Variants in PRDM5 observed in about 807,000 individuals in gnomAD.
PRDM5 encodes the protein PR/SET domain 5.
In PRDM5, 56 loss-of-function variants were observed where a neutral mutation model predicts 81.2. The ratio of observed to expected loss-of-function variants is 0.69; its 90% CI spans 0.56 to 0.86. PRDM5 has a LOEUF of 0.86. Among genes scored for constraint, PRDM5 ranks in the 40% least tolerant of loss-of-function variants. The probability of loss-of-function intolerance (pLI) is 0.00; values close to 1 mark genes in which losing one functional copy is unlikely to be tolerated. For missense variants in PRDM5, 697 were observed against 770.1 expected (o/e 0.91, Z 1.12); for synonymous variants, 267 against 256.4 (o/e 1.04, Z -0.39).
At chr4:120,833,203 T>C (rs766844387) in intron 3 of PRDM5, among the ~76,000 whole-genome samples, 1 of 152,188 alleles carries the variant, frequency 6.6e-6, no homozygotes, top group Non-Finnish European at 1.5e-5. Flanking sequence ...AAACGATTAA[T>C]GAGTTTTAAA....
intron 2 of PRDM5, among the ~76,000 whole-genome samples, chr4:120,868,723 A>C (rs1761470218): frequency 6.6e-6 from 1 of 152,174 alleles, no homozygotes; most frequent in Non-Finnish European, 1.5e-5. Context: ...ATAGTAGGTA[A>C]CACAAAGGAG....
intron 14 of PRDM5, among the ~76,000 whole-genome samples, chr4:120,719,561 T>C (rs1211161044): frequency 6.6e-6 from 1 of 152,212 alleles, no homozygotes; most frequent in Non-Finnish European, 1.5e-5. Flanking sequence ...AATTCAATTT[T>C]ATCATAATCT....
chr4:120,856,185 A>T (rs1423458338), intron 2 of PRDM5, among the ~76,000 whole-genome samples: 1 of 152,086 alleles, frequency 6.6e-6, no homozygotes, highest in Non-Finnish European at 1.5e-5. Flanking sequence ...TCACTTTCTC[A>T]CACAATATTC....
chr4:120,727,872 G>A (rs1046789409), intron 14 of PRDM5, among the ~76,000 whole-genome samples: 4 of 151,482 alleles, frequency 2.6e-5, no homozygotes, highest in African/African-American at 4.9e-5. Context: ...GGAGGTGGAG[G>A]TTGCAGTGAG....
chr4:120,779,936 T>A (rs1748795981), intron 12 of PRDM5, among the ~76,000 whole-genome samples: 1 of 150,266 alleles, frequency 6.7e-6, no homozygotes, highest in Non-Finnish European at 1.5e-5. Context: ...AAACAAACAA[T>A]ATATATATAT....
chr4:120,918,487 A>G (rs1724477644), intron 1 of PRDM5, among the ~76,000 whole-genome samples: 1 of 152,276 alleles, frequency 6.6e-6, no homozygotes, highest in South Asian at 2.1e-4. Context: ...ACATTTATGC[A>G]TGGTGATTTT....
intron 2 of PRDM5, chr4:120,885,894 T>C (rs2148603713): frequency 6.6e-6 from 1 of 152,320 alleles, no homozygotes; most frequent in African/African-American, 2.4e-5. Context: ...GTGTTTTTTT[T>C]TCTTTTAGTC....
chr4:120,700,431 T>G (rs1476654427), intron 15 of PRDM5, among the ~76,000 whole-genome samples: 1 of 152,108 alleles, frequency 6.6e-6, no homozygotes, highest in Non-Finnish European at 1.5e-5. Flanking sequence ...TCAAAAGCAG[T>G]TGCAACAAAA....
At chr4:120,900,747 A>C (rs1285665728) in intron 2 of PRDM5, among the ~76,000 whole-genome samples, 1 of 152,260 alleles carries the variant, frequency 6.6e-6, no homozygotes, top group Non-Finnish European at 1.5e-5. Context: ...ATTCACAATC[A>C]TACAAAAACA....
chr4:120,847,250 A>C (rs1217570927), intron 3 of PRDM5, among the ~76,000 whole-genome samples: 5 of 152,184 alleles, frequency 3.3e-5, no homozygotes, highest in African/African-American at 1.2e-4. Flanking sequence ...AGTATTCAAC[A>C]GAAGTGATGC....
chr4:120,819,482 G>A (rs1015563695), intron 4 of PRDM5, among the ~76,000 whole-genome samples: 1 of 151,882 alleles, frequency 6.6e-6, no homozygotes, highest in Admixed American at 6.6e-5. Flanking sequence ...TAACAAACCT[G>A]CACATTGTGC....
intron 1 of PRDM5, among the ~76,000 whole-genome samples, chr4:120,917,049 G>T (rs1376108): frequency 0.99 from 150,967 of 152,294 alleles, 74,835 homozygotes; most frequent in Middle Eastern, 1. Context: ...CTCATTTCAC[G>T]CAAAGTAAAA....
At chr4:120,765,071 G>A (rs1746188924) in intron 13 of PRDM5, among the ~76,000 whole-genome samples, 1 of 151,190 alleles carries the variant, frequency 6.6e-6, no homozygotes, top group South Asian at 2.1e-4. Flanking sequence ...TTATAATGTT[G>A]GACAAATATT....
chr4:120,720,540 C>T (rs78207313), intron 14 of PRDM5, among the ~76,000 whole-genome samples: 6,837 of 152,288 alleles, frequency 0.045, 222 homozygotes, highest in East Asian at 0.1. Context: ...GCCCACAGTA[C>T]GGCATGCCAT....
At chr4:120,763,204 C>G (rs1047825048) in intron 13 of PRDM5, among the ~76,000 whole-genome samples, 4 of 152,030 alleles carry the variant, frequency 2.6e-5, no homozygotes, top group African/African-American at 9.7e-5. Context: ...GCCACGTGCT[C>G]ACGAACTTTT....
intron 14 of PRDM5, among the ~76,000 whole-genome samples, chr4:120,712,224 T>G (rs1737105274): frequency 6.6e-6 from 1 of 152,244 alleles, no homozygotes; most frequent in East Asian, 1.9e-4. Context: ...AGGCGGAGGT[T>G]GCAGTGAGCC....
At chr4:120,697,667 A>ATT (rs1560882467) in intron 15 of PRDM5, among the ~76,000 whole-genome samples, 2 of 86,000 alleles carry the variant, frequency 2.3e-5, no homozygotes, top group Admixed American at 1.4e-4. Context: ...TGCCCAGCTA[A>ATT]CTATTTTTTT....
At chr4:120,899,402 T>C (rs1190088225) in intron 2 of PRDM5, among the ~76,000 whole-genome samples, 1 of 152,180 alleles carries the variant, frequency 6.6e-6, no homozygotes, top group Non-Finnish European at 1.5e-5. Context: ...AGATTTTGAA[T>C]CTACTTTCCT....
At chr4:120,901,007 T>A (rs191506658) in intron 2 of PRDM5, among the ~76,000 whole-genome samples, 146 of 152,352 alleles carry the variant, frequency 9.6e-4, no homozygotes, top group Admixed American at 4.8e-3. Flanking sequence ...TAAGCACTTT[T>A]ATATATGTCC....
Sources: gnomAD v4.1 joint callset for allele counts (sites outside exome capture counted in the v4.1 genomes callset) on GRCh38, gnomAD v4.1.1 for gene constraint, MANE v1.5 for transcripts, NCBI Gene and HGNC (gene_info 2026-07-23, HGNC 2026-07-21) for gene names.